AMPH: variants seen among roughly 807,000 people sequenced by gnomAD.
The protein encoded by AMPH is amphiphysin (Stiff-Mann syndrome with breast cancer 128kD autoantigen).
In AMPH, 49 loss-of-function variants were observed where a neutral mutation model predicts 99.1. The observed-to-expected ratio is 0.49, with a 90% confidence interval of 0.39 to 0.63. AMPH has a LOEUF of 0.63. Among genes scored for constraint, AMPH ranks in the 20% least tolerant of loss-of-function variants. AMPH has a pLI of 0.00. For synonymous variants in AMPH, 314 were observed against 317.3 expected (o/e 0.99, Z 0.11); for missense variants, 759 against 863.4 (o/e 0.88, Z 1.52).
intron 19 of AMPH, 142 bp from the exon 20 acceptor site, chr7:38,390,047 G>A (rs897274541): frequency 2.0e-5 from 13 of 649,288 alleles, no homozygotes; most frequent in Non-Finnish European, 3.2e-5. Context: ...AAAGCCAGAA[G>A]GGAAGTCCTA....
chr7:38,487,661 A>G (rs1028605682), intron 5 of AMPH, among the ~76,000 whole-genome samples: 4 of 152,182 alleles, frequency 2.6e-5, no homozygotes, highest in Non-Finnish European at 5.9e-5. Flanking sequence ...ACAAAAGCCA[A>G]AATTGACGAA....
intron 9 of AMPH, chr7:38,464,138 T>C: frequency 7.8e-7 from 1 of 1,289,606 alleles, no homozygotes; most frequent in South Asian, 1.2e-5. Context: ...GAACATTCAT[T>C]AAGTGGTCAT....
intron 1 of AMPH, among the ~76,000 whole-genome samples, chr7:38,575,206 C>A (rs2893563): frequency 0.029 from 4,375 of 152,062 alleles, 183 homozygotes; most frequent in East Asian, 0.085. Flanking sequence ...CCATTGGGCA[C>A]TGGGGATATA....
At chr7:38,568,182 C>T (rs2129051047) in intron 1 of AMPH, among the ~76,000 whole-genome samples, 1 of 152,168 alleles carries the variant, frequency 6.6e-6, no homozygotes, top group Non-Finnish European at 1.5e-5. Flanking sequence ...TTAGGTACAC[C>T]ATTTACATAA....
intron 17 of AMPH, among the ~76,000 whole-genome samples, chr7:38,415,666 A>G (rs1232859246): frequency 6.6e-6 from 1 of 152,190 alleles, no homozygotes; most frequent in East Asian, 1.9e-4. Context: ...CATGTTAAAA[A>G]CATGGAAGGC....
At chr7:38,613,480 C>T (rs543848818) in intron 1 of AMPH, among the ~76,000 whole-genome samples, 3 of 152,248 alleles carry the variant, frequency 2.0e-5, no homozygotes, top group South Asian at 2.1e-4. Flanking sequence ...GAGGTCTTAA[C>T]TAAAGAGATC....
chr7:38,472,514 T>C (rs556854673), intron 7 of AMPH, among the ~76,000 whole-genome samples: 31 of 152,308 alleles, frequency 2.0e-4, no homozygotes, highest in Admixed American at 1.2e-3. Context: ...TGGAGAGATC[T>C]GTAATTGTAA....
At chr7:38,604,002 A>T (rs1793345404) in intron 1 of AMPH, among the ~76,000 whole-genome samples, 1 of 152,248 alleles carries the variant, frequency 6.6e-6, no homozygotes, top group Non-Finnish European at 1.5e-5. Context: ...TTTAGGTTAC[A>T]TGTCAGAAAT....
At chr7:38,616,486 A>G (rs919763856) in intron 1 of AMPH, among the ~76,000 whole-genome samples, 5 of 152,226 alleles carry the variant, frequency 3.3e-5, no homozygotes, top group African/African-American at 1.2e-4. Context: ...TTCCACTCTC[A>G]GGTATTAACC....
intron 20 of AMPH, among the ~76,000 whole-genome samples, chr7:38,385,768 C>T (rs762102839): frequency 6.6e-6 from 1 of 152,208 alleles, no homozygotes; most frequent in Non-Finnish European, 1.5e-5. Flanking sequence ...ATACTTAAAA[C>T]TGAGAAACAG....
At chr7:38,459,602 C>A (rs960907778) in intron 11 of AMPH, among the ~76,000 whole-genome samples, 1 of 151,964 alleles carries the variant, frequency 6.6e-6, no homozygotes, top group African/African-American at 2.4e-5. Context: ...GGGGAAAGGA[C>A]ACCTTCAATA....
Position 38,394,078 on chromosome 7 carries a change from A to T in AMPH, c.1535T>A (p.Ile512Asn). ...TGCACCCTCAGTGGTTTCAGTTCCA[A>T]TTTTGGCCTCCTCTAAACTTACTCC... ...GEGVSLEEAK[I>N]GTETTEGAES... is the part of the protein sequence containing the mutation. The change falls in exon 18 of 21, where the codon ATT becomes AAT. Residue 512 changes from isoleucine (I) to asparagine (N), a missense_variant. Coordinates refer to ENST00000356264, the MANE Select transcript of AMPH (RefSeq NM_001635.4). 1 of 1,614,002 alleles carries T rather than the reference A, an allele frequency of 6.2e-7. No individual in the cohort carries two copies. The highest frequency in any genetic ancestry group is 8.5e-7 in the Non-Finnish European group (1 of 1,179,996).
intron 1 of AMPH, among the ~76,000 whole-genome samples, chr7:38,613,919 A>C (rs192050100): frequency 6.6e-6 from 1 of 152,078 alleles, no homozygotes; most frequent in African/African-American, 2.4e-5. Context: ...CAGAGGACCC[A>C]TGCTCCTCCA....
At chr7:38,516,942 C>T (rs1789769652) in intron 2 of AMPH, among the ~76,000 whole-genome samples, 1 of 152,182 alleles carries the variant, frequency 6.6e-6, no homozygotes, top group Non-Finnish European at 1.5e-5. Context: ...GGGCCCATAG[C>T]CCCTTTTTTT....
intron 9 of AMPH, among the ~76,000 whole-genome samples, chr7:38,464,337 C>G (rs1273740096): frequency 2.0e-5 from 3 of 152,152 alleles, no homozygotes; most frequent in Admixed American, 2.0e-4. Context: ...ACTGAAATAA[C>G]CATACTGAAA....
intron 16 of AMPH, among the ~76,000 whole-genome samples, chr7:38,420,650 C>T (rs1345806260): frequency 6.6e-6 from 1 of 152,002 alleles, no homozygotes; most frequent in Non-Finnish European, 1.5e-5. Context: ...AGATGAAAGG[C>T]GGGTCAATAC....
At chr7:38,394,333 T>A in intron 17 of AMPH, 119 bp from the exon 18 acceptor site, 1 of 1,049,628 alleles carries the variant, frequency 9.5e-7, no homozygotes, top group Admixed American at 2.3e-5. Flanking sequence ...GAACATTCTT[T>A]GCACTCCCAG....
chr7:38,536,134 G>C (rs1790589687), intron 1 of AMPH, among the ~76,000 whole-genome samples: 1 of 152,166 alleles, frequency 6.6e-6, no homozygotes, highest in African/African-American at 2.4e-5. Flanking sequence ...TAGCGGAATA[G>C]ACAAGGCAGG....
intron 1 of AMPH, among the ~76,000 whole-genome samples, chr7:38,620,590 C>T (rs995210494): frequency 2.1e-5 from 3 of 143,748 alleles, no homozygotes; most frequent in Non-Finnish European, 3.1e-5. Context: ...CACACACACA[C>T]GTGCAATTGA....
Sources: allele counts gnomAD v4.1 joint callset (sites outside exome capture counted in the v4.1 genomes callset), GRCh38; gene constraint gnomAD v4.1.1; transcripts MANE v1.5; gene names NCBI Gene and HGNC (gene_info 2026-07-23, HGNC 2026-07-21).